The following AK5 variants were observed in gnomAD, a reference collection of about 807,000 sequenced individuals.
AK5 encodes adenylate kinase 5.
AK5 carries 27 observed loss-of-function variants against 69.5 expected under a neutral mutation model. The observed-to-expected ratio is 0.39, with a 90% CI of 0.29 to 0.54. The LOEUF is 0.54. Ranked by LOEUF, AK5 falls within the 20% of genes least tolerant of loss-of-function variation. AK5 has a pLI of 0.71. For synonymous variants in AK5, 260 were observed against 244.4 expected, an observed-to-expected ratio of 1.06 and a Z score of -0.60; for missense variants, 531 against 700.4, an observed-to-expected ratio of 0.76 and a Z score of 2.73.
At chr1:77,361,424 G>T (rs1646862296) in intron 6 of AK5, among the ~76,000 whole-genome samples, 1 of 152,052 alleles carries the variant, frequency 6.6e-6, no homozygotes, top group Non-Finnish European at 1.5e-5. Flanking sequence ...ACCTCTGATG[G>T]TTACTATTAA....
At chr1:77,492,952 G>T (rs1038525954) in intron 10 of AK5, among the ~76,000 whole-genome samples, 2 of 152,206 alleles carry the variant, frequency 1.3e-5, no homozygotes, top group African/African-American at 4.8e-5. Flanking sequence ...GACTATCAAG[G>T]TTATCAGAAA....
At chr1:77,361,574 G>A (rs1255410829) in intron 6 of AK5, among the ~76,000 whole-genome samples, 1 of 152,192 alleles carries the variant, frequency 6.6e-6, no homozygotes, top group East Asian at 1.9e-4. Context: ...TGAGCCCTGT[G>A]TATTAGTCCA....
intron 6 of AK5, among the ~76,000 whole-genome samples, chr1:77,349,982 T>C (rs530585597): frequency 1.3e-5 from 2 of 152,336 alleles, no homozygotes; most frequent in South Asian, 2.1e-4. Context: ...GGCACCCTTT[T>C]CATCAGACAA....
chr1:77,412,095 C>T (rs369668141), intron 7 of AK5, among the ~76,000 whole-genome samples: 14 of 152,160 alleles, frequency 9.2e-5, no homozygotes, highest in African/African-American at 1.4e-4. Context: ...CTACCTCTAA[C>T]GACAAATATC....
intron 8 of AK5, among the ~76,000 whole-genome samples, chr1:77,475,354 A>C (rs1385180401): frequency 1.7e-5 from 2 of 118,750 alleles, no homozygotes; most frequent in Admixed American, 1.0e-4. Context: ...ATATACATAT[A>C]TATTATATAT....
At chr1:77,521,132 A>G (rs1016639151) in intron 11 of AK5, among the ~76,000 whole-genome samples, 2 of 152,178 alleles carry the variant, frequency 1.3e-5, no homozygotes, top group African/African-American at 4.8e-5. Flanking sequence ...AGTTAACAGT[A>G]AGATACCTTT....
intron 8 of AK5, among the ~76,000 whole-genome samples, chr1:77,478,034 A>C (rs35635429): frequency 0.15 from 22,467 of 152,174 alleles, 1,868 homozygotes; most frequent in Admixed American, 0.2. Flanking sequence ...CAGTAAGAGG[A>C]TGCTGCTGAG....
chr1:77,555,284 C>CA (rs1660042013), intron 13 of AK5, among the ~76,000 whole-genome samples: 1 of 152,066 alleles, frequency 6.6e-6, no homozygotes, highest in Non-Finnish European at 1.5e-5. Context: ...TTTTAAAAAA[C>CA]AAAAAACAAA....
At chr1:77,498,427 G>A (rs909941559) in intron 10 of AK5, among the ~76,000 whole-genome samples, 1 of 152,178 alleles carries the variant, frequency 6.6e-6, no homozygotes, top group Non-Finnish European at 1.5e-5. Flanking sequence ...TTTAAAACGA[G>A]AGACTCAAGG....
At chr1:77,547,430 T>G (rs867792387) in intron 13 of AK5, among the ~76,000 whole-genome samples, 35 of 152,140 alleles carry the variant, frequency 2.3e-4, no homozygotes, top group African/African-American at 7.5e-4. Flanking sequence ...TGTGCCACCA[T>G]GTGTGGCTAA....
In AK5 at chr1:77,282,106, G is replaced by C. The variant is rs1658091088; in HGVS notation, c.-208G>C. On this transcript the variant is annotated 5_prime_UTR_variant, in exon 1 of 14. Transcript: ENST00000354567. ...GGCTCGGGGGCTGGAACCGAAGCGG[G>C]GGCGGCGGGAGCGCGGAGACCACAG... 1 of 423,414 alleles carries C rather than the reference G, an allele frequency of 2.4e-6. No homozygotes were observed. The highest frequency in any genetic ancestry group is 2.1e-5 in the African/African-American group (1 of 48,196). 26.2% of individuals were successfully genotyped at this position (423,414 alleles called of 1,614,324 possible). A position where few individuals can be genotyped will look rare whatever the true frequency, so the allele number is the denominator to read the frequency against.
chr1:77,513,748 G>A (rs1258924623), intron 10 of AK5, among the ~76,000 whole-genome samples: 3 of 152,200 alleles, frequency 2.0e-5, no homozygotes, highest in African/African-American at 4.8e-5. Context: ...GCTGAGGCAG[G>A]AGAATCGCTT....
At chr1:77,329,822 C>G (rs1250853612) in intron 5 of AK5, among the ~76,000 whole-genome samples, 1 of 152,174 alleles carries the variant, frequency 6.6e-6, no homozygotes, top group Non-Finnish European at 1.5e-5. Context: ...GTGCTATTGT[C>G]ACAAAAATGT....
chr1:77,313,583 A>G (rs1660077198), intron 5 of AK5, among the ~76,000 whole-genome samples: 1 of 152,012 alleles, frequency 6.6e-6, no homozygotes, highest in African/African-American at 2.4e-5. Context: ...CTCCCTCCCT[A>G]GCCCGGCCCT....
At chr1:77,448,056 T>G (rs192521246) in intron 8 of AK5, among the ~76,000 whole-genome samples, 3 of 152,296 alleles carry the variant, frequency 2.0e-5, no homozygotes, top group African/African-American at 4.8e-5. Flanking sequence ...GGCTTAGGGC[T>G]GCTCAGCTGA....
At chr1:77,375,169 A>G (rs2100487158) in intron 6 of AK5, among the ~76,000 whole-genome samples, 1 of 152,356 alleles carries the variant, frequency 6.6e-6, no homozygotes, top group African/African-American at 2.4e-5. Context: ...CTGAAGAGCA[A>G]GAGTGTTTTA....
chr1:77,429,643 G>C (rs1651459895), intron 8 of AK5, among the ~76,000 whole-genome samples: 1 of 152,084 alleles, frequency 6.6e-6, no homozygotes, highest in Non-Finnish European at 1.5e-5. Context: ...TGTAGATGTG[G>C]TTGGTGAGGT....
intron 6 of AK5, among the ~76,000 whole-genome samples, chr1:77,361,666 G>T (rs1470383002): frequency 6.6e-6 from 1 of 152,172 alleles, no homozygotes; most frequent in Non-Finnish European, 1.5e-5. Context: ...GTTCCACGTG[G>T]CTGGGGAGGC....
chr1:77,284,022 G>A (rs771810523), intron 1 of AK5, among the ~76,000 whole-genome samples: 1 of 152,076 alleles, frequency 6.6e-6, no homozygotes, highest in Non-Finnish European at 1.5e-5. Flanking sequence ...ATAAGTTATG[G>A]CAGGCCTTTT....
Sources: allele counts gnomAD v4.1 joint callset (sites outside exome capture counted in the v4.1 genomes callset), GRCh38; gene constraint gnomAD v4.1.1; transcripts MANE v1.5; gene names NCBI Gene and HGNC (gene_info 2026-07-23, HGNC 2026-07-21).